The following ABL1 variants were observed in gnomAD, a reference collection of about 807,000 sequenced individuals.
ABL1 encodes the protein ABL proto-oncogene 1, non-receptor tyrosine kinase, also known as tyrosine-protein kinase ABL1.
ABL1 carries 11 observed loss-of-function variants against 94.7 expected under a neutral mutation model. That is an observed-to-expected ratio of 0.12 (90% CI 0.07 to 0.19). ABL1 has a LOEUF of 0.19. Among genes scored for constraint, ABL1 ranks in the 10% least tolerant of loss-of-function variants. ABL1 has a pLI of 1.00. For missense variants in ABL1, 1,082 were observed against 1,489.4 expected (o/e 0.73, Z 4.50); for synonymous variants, 656 against 622.4 (o/e 1.05, Z -0.80).
chr9:130,765,942 A>G (rs1032275832), intron 1 of ABL1, among the ~76,000 whole-genome samples: 14 of 152,262 alleles, frequency 9.2e-5, no homozygotes, highest in Admixed American at 9.2e-4. Flanking sequence ...AGAAGCAGTC[A>G]CAAGGACAGG....
At chr9:130,761,624 G>A (rs1446567277) in intron 1 of ABL1, among the ~76,000 whole-genome samples, 1 of 152,136 alleles carries the variant, frequency 6.6e-6, no homozygotes, top group Non-Finnish European at 1.5e-5. Context: ...TCCGCATCAC[G>A]CGTGGTGCCA....
At chr9:130,738,043 G>T (rs535086703) in intron 1 of ABL1, among the ~76,000 whole-genome samples, 3 of 151,954 alleles carry the variant, frequency 2.0e-5, no homozygotes, top group Non-Finnish European at 4.4e-5. Context: ...TATTGGTTAG[G>T]CTGGTCTCAA....
chr9:130,713,352 T>C lies in ABL1; in HGVS notation c.-968T>C, dbSNP rs535837069. On this transcript the variant is annotated 5_prime_UTR_variant, in exon 1 of 11. Transcript: ENST00000372348. Reference sequence around the variant, plus strand: ...TGGGCCGCGAGAGTCCTTCGTCCCTTACAGCCCCGCCCCGGCTTTGGGACA... The same window carrying C: ...TGGGCCGCGAGAGTCCTTCGTCCCTCACAGCCCCGCCCCGGCTTTGGGACA... Among the ~76,000 whole-genome samples the C allele has an allele frequency of 9.3e-4, 142 of 152,182 alleles. 1 individual carries two copies. Among genetic ancestry groups the C allele is most frequent in the Non-Finnish European group, 1.7e-3 (115 of 68,012 alleles).
intron 4 of ABL1, among the ~76,000 whole-genome samples, chr9:130,864,434 G>T (rs745506643): frequency 6.6e-6 from 1 of 152,030 alleles, no homozygotes; most frequent in Non-Finnish European, 1.5e-5. Context: ...TAGTAGAGAT[G>T]GGGTTTCGCT....
At position 130,880,922 on chromosome 9, in the gene ABL1, C is replaced by T. The variant is rs939081469; in HGVS notation, c.1678+258C>T. Among the ~76,000 whole-genome samples, 3 of 152,226 alleles carry T rather than the reference C, an allele frequency of 2.0e-5. No homozygotes were observed. The highest frequency in any genetic ancestry group is 7.2e-5 in the African/African-American group (3 of 41,458). ...CCTGTAGGCAGAGGTGCTTCTGAAG[C>T]CCGCCAAGGAGCTAGCCCATCTCCC... On this transcript the variant is annotated intron_variant, in intron 10 of 10. Transcript: ENST00000318560. This position sits in a 1 kb window ranked among gnomAD's most constrained non-coding sequence, Gnocchi z 4.4.
In ABL1 at chr9:130,815,115, C is replaced by A. The variant is rs936220842; in HGVS notation, c.137-38949C>A. 9.2e-5 allele frequency among the ~76,000 whole-genome samples: 14 copies of A among 152,214 alleles called. No homozygotes were observed. In the South Asian group the frequency reaches 1.9e-3, roughly 20 times the overall value. On this transcript the variant is annotated intron_variant, in intron 1 of 10. Transcript: ENST00000372348. ...TTGGGAGGCTGAGGCAGGTGGATCACCTGAGGTCAGGAGTTACAAACCAGC... is the reference window on the plus strand; with the variant it reads ...TTGGGAGGCTGAGGCAGGTGGATCAACTGAGGTCAGGAGTTACAAACCAGC...
chr9:130,854,620 A>T (rs1830944798), intron 2 of ABL1, among the ~76,000 whole-genome samples, 181 bp from the exon 3 acceptor site: 1 of 152,230 alleles, frequency 6.6e-6, no homozygotes, highest in Non-Finnish European at 1.5e-5. Context: ...TACAAACAGG[A>T]AGCTTCAAAT....
chr9:130,764,913 G>A (rs1832161326), intron 1 of ABL1, among the ~76,000 whole-genome samples: 1 of 151,108 alleles, frequency 6.6e-6, no homozygotes, highest in Non-Finnish European at 1.5e-5. Context: ...CCAAGATTGT[G>A]CCACTGTACT....
chr9:130,885,006 T>C lies in ABL1; in HGVS notation c.2716T>C (p.Ser906Pro), dbSNP rs1373983890. ...TGCCCCGCCGCCCCCACCAGCAGCC[T>C]CTGCAGGGAAGGCTGGAGGAAAGCC... is the stretch of plus-strand genomic sequence containing the variant. ...KPAPPPPPAA[S>P]AGKAGGKPSQ... The change falls in exon 11 of 11, where the codon TCT (serine) becomes CCT (proline). Residue 906 changes from serine to proline, a missense_variant. By Grantham distance (74) the Ser-to-Pro change is moderately conservative. Around this residue, in one of 7 missense-constraint regions of ABL1, gnomAD observed 780 missense variants for 835.8 expected, o/e 0.93. Transcript: ENST00000318560. The C allele has an allele frequency of 6.2e-7, 1 of 1,611,672 alleles. No homozygotes were observed. The highest frequency in any genetic ancestry group is 8.5e-7 in the Non-Finnish European group (1 of 1,179,558).
At chr9:130,875,984 C>T (rs1831334900) in intron 7 of ABL1, among the ~76,000 whole-genome samples, 1 of 152,142 alleles carries the variant, frequency 6.6e-6, no homozygotes, top group African/African-American at 2.4e-5. Context: ...CATGCCACCA[C>T]CCCCGGCTAA....
At chr9:130,777,624 A>G (rs941062362) in intron 1 of ABL1, among the ~76,000 whole-genome samples, 1 of 73,360 alleles carries the variant, frequency 1.4e-5, no homozygotes, top group Non-Finnish European at 2.8e-5. Context: ...ACGCTGACAC[A>G]CTGCATTAGT....
chr9:130,751,754 C>T (rs1304856009), intron 1 of ABL1, among the ~76,000 whole-genome samples: 2 of 152,202 alleles, frequency 1.3e-5, no homozygotes, highest in South Asian at 2.1e-4. Flanking sequence ...CAGGACTGCT[C>T]GTCCTGCCTC....
chr9:130,763,410 G>A (rs551934295), intron 1 of ABL1, among the ~76,000 whole-genome samples: 1 of 151,886 alleles, frequency 6.6e-6, no homozygotes, highest in African/African-American at 2.4e-5. Context: ...GTGTTAGGTT[G>A]GGCTATAATA....
intron 1 of ABL1, chr9:130,714,544 A>G (rs754827695): frequency 6.6e-7 from 1 of 1,516,066 alleles, no homozygotes; most frequent in Non-Finnish European, 9.2e-7. Flanking sequence ...TACTTGCGAC[A>G]GTTCCTTCCA....
At chr9:130,798,241 G>A (rs541955098) in intron 1 of ABL1, among the ~76,000 whole-genome samples, 1 of 152,218 alleles carries the variant, frequency 6.6e-6, no homozygotes, top group South Asian at 2.1e-4. Flanking sequence ...CCACATTGCA[G>A]TTTTGAAACA....
chr9:130,757,948 C>A (rs1832061932), intron 1 of ABL1, among the ~76,000 whole-genome samples: 1 of 152,114 alleles, frequency 6.6e-6, no homozygotes, highest in Non-Finnish European at 1.5e-5. Context: ...AGCAATGGCC[C>A]CTCCAGGGCA....
At chr9:130,882,308 G>A (rs3808815) in intron 10 of ABL1, among the ~76,000 whole-genome samples, 18,111 of 152,144 alleles carry the variant, frequency 0.12, 1,237 homozygotes, top group African/African-American at 0.19. Flanking sequence ...ACTGAGTGGT[G>A]CATAATTCAT....
intron 1 of ABL1, among the ~76,000 whole-genome samples, chr9:130,737,579 G>A (rs1831760138): frequency 6.6e-6 from 1 of 152,102 alleles, no homozygotes; most frequent in African/African-American, 2.4e-5. Flanking sequence ...ACCTGGACAT[G>A]TTTAAAGAAC....
intron 8 of ABL1, 26 bp downstream of exon 8, chr9:130,878,593 C>T (rs34001282): frequency 1.5e-5 from 24 of 1,610,834 alleles, no homozygotes; most frequent in Non-Finnish European, 1.8e-5. Flanking sequence ...CCTGTTCTCA[C>T]GAGTATATGT....
Sources: gnomAD v4.1 joint callset for allele counts (sites outside exome capture counted in the v4.1 genomes callset) on GRCh38, gnomAD v4.1.1 for gene constraint, gnomAD v4.1.1 regional missense constraint, Gnocchi (gnomAD v3.1) non-coding constraint, MANE v1.5 for transcripts, NCBI Gene and HGNC (gene_info 2026-07-23, HGNC 2026-07-21) for gene names.